ADGRB1: variants seen among roughly 807,000 people sequenced by gnomAD.
The protein encoded by ADGRB1 is brain-specific angiogenesis inhibitor 1.
A neutral mutation model predicts 175.7 loss-of-function variants in ADGRB1; 36 were observed. That is an observed-to-expected ratio of 0.20 (90% CI 0.16 to 0.27). ADGRB1 has a LOEUF of 0.27. ADGRB1 is among the 10% of genes least tolerant of loss of function. The pLI is 1.00. For missense variants in ADGRB1, 1,731 were observed against 2,255.3 expected, an observed-to-expected ratio of 0.77 and a Z score of 4.71; for synonymous variants, 1,054 against 979.4, an observed-to-expected ratio of 1.08 and a Z score of -1.42.
chr8:142,470,331 G>A (rs1031049667), intron 2 of ADGRB1, among the ~76,000 whole-genome samples: 1 of 152,136 alleles, frequency 6.6e-6, no homozygotes, highest in Non-Finnish European at 1.5e-5. Context: ...TTTATTGCAC[G>A]AGCGACATGG....
chr8:142,520,703 G>A (rs1843789284), intron 19 of ADGRB1, 120 bp from the exon 20 acceptor site: 2 of 778,062 alleles, frequency 2.6e-6, no homozygotes, highest in Non-Finnish European at 4.5e-6. Context: ...TGGTGGTGCT[G>A]TTGGTGACAA....
At chr8:142,502,274 G>A (rs1842620790) in intron 17 of ADGRB1, among the ~76,000 whole-genome samples, 1 of 149,504 alleles carries the variant, frequency 6.7e-6, no homozygotes, top group Admixed American at 6.7e-5. Flanking sequence ...TGGGGTGGCG[G>A]TAATGATTGT....
At chr8:142,465,060 G>A (rs1648320369) in intron 2 of ADGRB1, 78 bp downstream of exon 2, 1 of 491,996 alleles carries the variant, frequency 2.0e-6, no homozygotes, top group Admixed American at 4.0e-5. Context: ...GAGGCGGGCG[G>A]ATGGGGGAAG....
At chr8:142,479,600 A>C in intron 8 of ADGRB1, 93 bp from the exon 9 acceptor site, 6 of 1,544,970 alleles carry the variant, frequency 3.9e-6, no homozygotes, top group Non-Finnish European at 5.3e-6. Context: ...CTGTCCTCAT[A>C]ATGATGCCTG....
chr8:142,466,895 C>A (rs969039512), intron 2 of ADGRB1, among the ~76,000 whole-genome samples: 3 of 152,218 alleles, frequency 2.0e-5, no homozygotes, highest in Admixed American at 1.3e-4. Context: ...TGGCAGAATA[C>A]CAACTCCTTT....
chr8:142,514,341 A>G (rs1354455666), intron 18 of ADGRB1, among the ~76,000 whole-genome samples: 1 of 152,062 alleles, frequency 6.6e-6, no homozygotes, highest in Non-Finnish European at 1.5e-5. Flanking sequence ...GCCTGGAGCC[A>G]GGGTGTCGGC....
intron 11 of ADGRB1, 97 bp from the exon 12 acceptor site, chr8:142,483,880 T>C: frequency 7.5e-7 from 1 of 1,335,358 alleles, no homozygotes; most frequent in Non-Finnish European, 1.1e-6. Context: ...TATTCAGCCC[T>C]GACCCTGGTC....
At chr8:142,513,018 G>A (rs1369002127) in intron 18 of ADGRB1, among the ~76,000 whole-genome samples, 1 of 152,058 alleles carries the variant, frequency 6.6e-6, no homozygotes, top group African/African-American at 2.4e-5. Context: ...GCCTTCTTTG[G>A]CAGGCGGTTC....
intron 17 of ADGRB1, among the ~76,000 whole-genome samples, chr8:142,499,552 C>T (rs947693618): frequency 6.6e-6 from 1 of 152,194 alleles, no homozygotes; most frequent in Non-Finnish European, 1.5e-5. Flanking sequence ...CTGGAGTCCA[C>T]GCCAGGCCCC....
At chr8:142,536,522 C>T (rs1033866077) in intron 25 of ADGRB1, among the ~76,000 whole-genome samples, 2 of 152,120 alleles carry the variant, frequency 1.3e-5, no homozygotes, top group Non-Finnish European at 2.9e-5. Context: ...AGTGGGGTGG[C>T]TCTGGGGAGG....
At chr8:142,519,617 G>GATGGTA (rs1184153402) in intron 19 of ADGRB1, among the ~76,000 whole-genome samples, 4 of 151,796 alleles carry the variant, frequency 2.6e-5, no homozygotes, top group African/African-American at 9.7e-5. Flanking sequence ...TGATGGTGGT[G>GATGGTA]GTGATGGTGG....
In ADGRB1 at chr8:142,524,417, A is replaced by T. The variant is rs935136045; in HGVS notation, c.3312+113A>T. The T allele has an allele frequency of 1.3e-5, 14 of 1,099,402 alleles. No individual in the cohort carries two copies. The African/African-American group carries it at 2.2e-4, about 17-fold the overall frequency. 68.1% of individuals were successfully genotyped at this position (1,099,402 alleles called of 1,614,324 possible). ...GCTGTGCACCTGCTGTCCCTTCAGG[A>T]TGGCCCTCATGGCCCTCATCACCAG... On this transcript the variant is annotated intron_variant, in intron 23 of 30. Coordinates refer to ENST00000517894, the MANE Select transcript of ADGRB1 (RefSeq NM_001702.3).
In ADGRB1 at chr8:142,455,937, G is replaced by C. The variant is rs1041860989; in HGVS notation, c.-220+5833G>C. Among the ~76,000 whole-genome samples, 1 of 152,172 alleles carries C rather than the reference G, an allele frequency of 6.6e-6. No individual in the cohort carries two copies. Among genetic ancestry groups the C allele is most frequent in the African/African-American group, 2.4e-5 (1 of 41,434 alleles). On this transcript the variant is annotated intron_variant, in intron 1 of 30. Coordinates refer to ENST00000517894, the MANE Select transcript of ADGRB1 (RefSeq NM_001702.3). The surrounding 1 kb of genome is among the most constrained non-coding windows in gnomAD (Gnocchi z 4.9). ...TGGGTGGCCCTACCTGCCTGTCCCG[G>C]AGAGTGCCAGAGCGTCCAGGGTAGC...
intron 2 of ADGRB1, among the ~76,000 whole-genome samples, chr8:142,473,993 G>A (rs527347014): frequency 2.6e-5 from 4 of 152,344 alleles, no homozygotes; most frequent in African/African-American, 4.8e-5. Flanking sequence ...GCCACACGCC[G>A]TCCTCTCATA....
rs1306321146 is a variant in ADGRB1 at position 142,493,897 on chromosome 8, A to G, written c.2675+3082A>G. Among the ~76,000 whole-genome samples the G allele has an allele frequency of 6.6e-6, 1 of 152,110 alleles. No individual in the cohort carries two copies. The highest frequency in any genetic ancestry group is 2.4e-5 in the African/African-American group (1 of 41,408). On this transcript the variant is annotated intron_variant, in intron 17 of 30. Transcript: ENST00000517894. This position sits in a 1 kb window ranked among gnomAD's most constrained non-coding sequence, Gnocchi z 5.0. ...GCAGGGGCCACTCCTCGCCCTGTGA[A>G]CTGTCTCCGGGGAGCTGAGTTTCCC...
At chr8:142,532,905 C>T (rs979995568) in intron 24 of ADGRB1, among the ~76,000 whole-genome samples, 1 of 152,122 alleles carries the variant, frequency 6.6e-6, no homozygotes, top group South Asian at 2.1e-4. Context: ...CCCAAAGAGC[C>T]CTTCCCCCTT....
At chr8:142,523,957 C>G (rs980707495) in intron 22 of ADGRB1, among the ~76,000 whole-genome samples, 4 of 152,124 alleles carry the variant, frequency 2.6e-5, no homozygotes, top group Non-Finnish European at 5.9e-5. Context: ...GGCCTTGGCC[C>G]TGCCAGCCTG....
At chr8:142,515,193 G>C (rs936975283) in intron 18 of ADGRB1, among the ~76,000 whole-genome samples, 1 of 152,158 alleles carries the variant, frequency 6.6e-6, no homozygotes, top group Non-Finnish European at 1.5e-5. Flanking sequence ...GTCAGGGAAG[G>C]CGTGCAGGGC....
intron 2 of ADGRB1, among the ~76,000 whole-genome samples, chr8:142,469,131 G>A (rs560364035): frequency 6.3e-5 from 9 of 141,826 alleles, no homozygotes; most frequent in South Asian, 2.4e-4. Context: ...AGAGCTGTGC[G>A]TGTGTGCATG....
Sources: gnomAD v4.1 joint callset for allele counts (sites outside exome capture counted in the v4.1 genomes callset) on GRCh38, gnomAD v4.1.1 for gene constraint, Gnocchi (gnomAD v3.1) non-coding constraint, MANE v1.5 for transcripts, NCBI Gene and HGNC (gene_info 2026-07-23, HGNC 2026-07-21) for gene names.